HERC1: variants seen among roughly 807,000 people sequenced by gnomAD.
HERC1 encodes the protein probable E3 ubiquitin-protein ligase HERC1.
HERC1 carries 160 observed loss-of-function variants against 554.3 expected under a neutral mutation model. The observed-to-expected ratio is 0.29, with a 90% confidence interval of 0.25 to 0.33. HERC1 has a LOEUF of 0.33. Among genes scored for constraint, HERC1 ranks in the 10% least tolerant of loss-of-function variants. HERC1 has a pLI of 1.00. For missense variants in HERC1, 4,919 were observed against 5,918.5 expected (o/e 0.83, Z 5.54); for synonymous variants, 2,175 against 2,131.7 (o/e 1.02, Z -0.56).
intron 18 of HERC1, among the ~76,000 whole-genome samples, chr15:63,724,378 T>G (rs556641697): frequency 6.6e-5 from 10 of 152,178 alleles, no homozygotes; most frequent in Non-Finnish European, 1.2e-4. Flanking sequence ...CCAAAATCAC[T>G]TTCTGGTTCA....
chr15:63,813,249 T>C (rs2077386437), intron 1 of HERC1, among the ~76,000 whole-genome samples: 1 of 151,708 alleles, frequency 6.6e-6, no homozygotes, highest in Admixed American at 6.6e-5. Context: ...CAAAAATCCA[T>C]TTTACAACAC....
rs979988478 is a variant in HERC1, at chr15:63,718,217, G to A, written c.3978+357C>T. Among the ~76,000 whole-genome samples the A allele has an allele frequency of 2.6e-5, 4 of 151,660 alleles. No individual in the cohort carries two copies. The highest frequency in any genetic ancestry group is 5.9e-5 in the Non-Finnish European group (4 of 68,008). ...AATTTTTGGACTTTATCAATCCAAG[G>A]TATTGCTTAATGTCCCTCATAAATT... is the stretch of plus-strand genomic sequence containing the variant. On this transcript the variant is annotated intron_variant, in intron 21 of 77. Transcript: ENST00000443617. The surrounding 1 kb of genome is among the most constrained non-coding windows in gnomAD (Gnocchi z 4.2).
chr15:63,730,002 G>C (rs572541796), intron 14 of HERC1, among the ~76,000 whole-genome samples: 2 of 145,944 alleles, frequency 1.4e-5, no homozygotes, highest in African/African-American at 2.6e-5. Flanking sequence ...CTCCAGCCTG[G>C]GCGACAAGAG....
At chr15:63,745,490 C>T (rs1295810005) in intron 12 of HERC1, among the ~76,000 whole-genome samples, 1 of 152,196 alleles carries the variant, frequency 6.6e-6, no homozygotes, top group Non-Finnish European at 1.5e-5. Flanking sequence ...TCCCTCTGTG[C>T]ACAGGTGTCA....
At chr15:63,771,632 A>G (rs1005502441) in intron 2 of HERC1, among the ~76,000 whole-genome samples, 9 of 151,864 alleles carry the variant, frequency 5.9e-5, no homozygotes, top group African/African-American at 1.9e-4. Context: ...GGGTTTCACC[A>G]TGTTGGCCAG....
At position 63,661,849 on chromosome 15, in the gene HERC1, T is replaced by C. The variant is rs1595916851; in HGVS notation, c.9074A>G (p.Glu3025Gly). The C allele has an allele frequency of 1.2e-6, 2 of 1,614,014 alleles. No individual in the cohort carries two copies. The highest frequency in any genetic ancestry group is 1.7e-6 in the Non-Finnish European group (2 of 1,179,878). ...GTAGTACGGATTTCCACTCCCACAT[T>C]CACCGCCAAACCAGCCATCCACATA... is the stretch of plus-strand genomic sequence containing the variant. ...GSYVDGWFGG[E>G]CGSGNPYYLL... Residue 3025 changes from glutamate to glycine, a missense_variant, in exon 45 of 78, where the codon GAA (glutamate) becomes GGA (glycine). By Grantham distance (98) the Glu-to-Gly change is moderately conservative. Coordinates refer to ENST00000443617, the MANE Select transcript of HERC1 (RefSeq NM_003922.4).
chr15:63,630,676 C>A, intron 68 of HERC1, 41 bp from the exon 69 acceptor site: 3 of 1,567,626 alleles, frequency 1.9e-6, no homozygotes, highest in East Asian at 2.2e-5. Context: ...ATGTTATGCA[C>A]CACACAACAC....
chr15:63,609,192 G>A lies in HERC1; in HGVS notation c.14475C>T (p.Val4825=). 6.2e-7 allele frequency: 1 copy of A among 1,613,788 alleles called. No homozygotes were observed. The highest frequency in any genetic ancestry group is 8.5e-7 in the Non-Finnish European group (1 of 1,179,830). The change falls in exon 78 of 78, where the codon GTC becomes GTT. Residue 4825 remains valine (V), a synonymous_variant. Coordinates refer to ENST00000443617, the MANE Select transcript of HERC1 (RefSeq NM_003922.4). The part of the protein sequence containing the change: ...LRLPPYSSQL[V]MAERLRYAIN... ...TGGCATAGCGCAGGCGCTCGGCCAT[G>A]ACCAGCTGGCTGGAGTACGGGGGCA... is the stretch of plus-strand genomic sequence containing the variant.
chr15:63,658,272 TC>T (rs1439961903), intron 48 of HERC1, among the ~76,000 whole-genome samples: 2 of 152,200 alleles, frequency 1.3e-5, no homozygotes, highest in African/African-American at 4.8e-5. Flanking sequence ...ACCATTGGGA[TC>T]AACAGCCTTA....
rs186609958 is a variant in HERC1 at position 63,809,674 on chromosome 15, G to A, written c.-27+24153C>T. On this transcript the variant is annotated intron_variant, in intron 1 of 77. Coordinates refer to ENST00000443617, the MANE Select transcript of HERC1 (RefSeq NM_003922.4). The stretch of plus-strand genomic sequence containing the variant: ...GTTGAATTTTAAGGACATTTAGAAG[G>A]TATACTCAGCAGGACTAGGCTCAGT... 3.2e-3 allele frequency among the ~76,000 whole-genome samples: 488 copies of A among 151,982 alleles called. 2 individuals are homozygous for A. Among genetic ancestry groups the A allele is most frequent in the Non-Finnish European group, 5.6e-3 (384 of 67,994 alleles).
chr15:63,615,241 A>G (rs546045467), intron 76 of HERC1, among the ~76,000 whole-genome samples: 11 of 152,240 alleles, frequency 7.2e-5, no homozygotes, highest in Non-Finnish European at 5.9e-5. Flanking sequence ...CCAAAGACCA[A>G]TTCAGAACCG....
At chr15:63,706,222 C>T (rs1166288645) in intron 25 of HERC1, among the ~76,000 whole-genome samples, 2 of 151,816 alleles carry the variant, frequency 1.3e-5, no homozygotes, top group Non-Finnish European at 2.9e-5. Flanking sequence ...CTAATTTGTT[C>T]CTCATGAAAT....
chr15:63,698,782 A>G lies in HERC1; in HGVS notation c.4851T>C (p.Ser1617=). The G allele has an allele frequency of 6.2e-7, 1 of 1,613,910 alleles. No homozygotes were observed. The highest frequency in any genetic ancestry group is 1.6e-4 in the Middle Eastern group (1 of 6,062). ...PGFKEPEESM[S]TSPQASIIAM... is the part of the protein sequence containing the mutation. The stretch of plus-strand genomic sequence containing the variant: ...CAATGATGGAGGCCTGGGGACTTGT[A>G]GACATACTTTCCTCTGGCTCTTTAA... Residue 1617 remains serine (S), a synonymous_variant, in exon 26 of 78, where the codon TCT becomes TCC. Coordinates refer to ENST00000443617, the MANE Select transcript of HERC1 (RefSeq NM_003922.4).
chr15:63,644,433 C>G (rs1316646917), intron 57 of HERC1, among the ~76,000 whole-genome samples: 1 of 151,958 alleles, frequency 6.6e-6, no homozygotes, highest in East Asian at 1.9e-4. Flanking sequence ...CTGGTAACAA[C>G]AGGCTCTTAA....
In HERC1 at chr15:63,749,708, C is replaced by T; in HGVS notation, c.1986G>A (p.Leu662=). 6.3e-7 allele frequency: 1 copy of T among 1,588,176 alleles called. No individual in the cohort carries two copies. The highest frequency in any genetic ancestry group is 8.6e-7 in the Non-Finnish European group (1 of 1,166,412). ...AAACATCAACTATTCTTGTGGCAGC[C>T]AGTTCTTCAATAAGCTTGGGTCTCA... ...TALRPKLIEE[L]AATRIVDVSI... The change falls in exon 9 of 78, where the codon CTG becomes CTA. Residue 662 remains leucine, a synonymous_variant. Transcript: ENST00000443617. The surrounding 1 kb of genome is among the most constrained non-coding windows in gnomAD (Gnocchi z 4.1).
intron 12 of HERC1, among the ~76,000 whole-genome samples, chr15:63,743,538 C>T (rs749136297): frequency 6.6e-6 from 1 of 152,080 alleles, no homozygotes; most frequent in Non-Finnish European, 1.5e-5. Flanking sequence ...GCTGGGATTA[C>T]AGGCGTGAGC....
Position 63,609,266 on chromosome 15 carries a change from G to A in HERC1, c.14401C>T (p.Pro4801Ser). The part of the protein sequence containing the change: ...QRFQIMKVDR[P>S]YDSLPTSQTC... ...TGTGAGGTAGGCAGACTGTCGTAAG[G>A]CTGTGGAGAGAGACCCAGAGCCGTG... is the stretch of plus-strand genomic sequence containing the variant. The change falls in exon 78 of 78, where the codon CCT becomes TCT. Residue 4801 changes from proline to serine, a missense_variant and splice_region_variant. By Grantham distance (74) the Pro-to-Ser change is moderately conservative. Coordinates refer to ENST00000443617, the MANE Select transcript of HERC1 (RefSeq NM_003922.4). 6.2e-7 allele frequency: 1 copy of A among 1,605,688 alleles called. No individual in the cohort carries two copies. Among genetic ancestry groups the A allele is most frequent in the South Asian group, 1.1e-5 (1 of 89,606 alleles).
At chr15:63,660,262 G>C (rs1412558642) in intron 46 of HERC1, among the ~76,000 whole-genome samples, 1 of 152,224 alleles carries the variant, frequency 6.6e-6, no homozygotes, top group Non-Finnish European at 1.5e-5. Context: ...CGTGGCTGCA[G>C]TAAGCTGAGA....
Position 63,678,183 on chromosome 15 carries a change from A to T in HERC1, c.6732T>A (p.Ile2244=), listed in dbSNP as rs770669553. The part of the protein sequence containing the change: ...NKKMMERLHK[I]KICIKESGQK... Reference sequence around the variant, plus strand: ...GACCTGACTCTTTAATACATATCTTAATTTTGTGAAGCCTTTCCATCATTT... The same window carrying T: ...GACCTGACTCTTTAATACATATCTTTATTTTGTGAAGCCTTTCCATCATTT... Residue 2244 remains isoleucine, a synonymous_variant, in exon 37 of 78, where the codon ATT becomes ATA. Coordinates refer to ENST00000443617, the MANE Select transcript of HERC1 (RefSeq NM_003922.4). 1 of 1,613,782 alleles carries T rather than the reference A, an allele frequency of 6.2e-7. No homozygotes were observed. Among genetic ancestry groups the T allele is most frequent in the Non-Finnish European group, 8.5e-7 (1 of 1,179,844 alleles).
Sources: gnomAD v4.1 joint callset for allele counts (sites outside exome capture counted in the v4.1 genomes callset) on GRCh38, gnomAD v4.1.1 for gene constraint, Gnocchi (gnomAD v3.1) non-coding constraint, MANE v1.5 for transcripts, NCBI Gene and HGNC (gene_info 2026-07-23, HGNC 2026-07-21) for gene names.